NR3C2: variants seen among roughly 807,000 people sequenced by gnomAD.
NR3C2 encodes the protein nuclear receptor subfamily 3 group C member 2, also known as mineralocorticoid receptor.
A neutral mutation model predicts 86.4 loss-of-function variants in NR3C2; 15 were observed. The ratio of observed to expected loss-of-function variants is 0.17; its 90% CI spans 0.12 to 0.27. The LOEUF is 0.27. Ranked by LOEUF, NR3C2 falls within the 10% of genes least tolerant of loss-of-function variation. NR3C2 has a pLI of 1.00. For synonymous variants in NR3C2, 458 were observed against 450.5 expected (o/e 1.02, Z -0.21); for missense variants, 960 against 1,195.6 (o/e 0.80, Z 2.91).
intron 3 of NR3C2, among the ~76,000 whole-genome samples, chr4:148,207,841 C>G (rs888573835): frequency 6.6e-6 from 1 of 151,940 alleles, no homozygotes; most frequent in Non-Finnish European, 1.5e-5. Flanking sequence ...ACACACACAC[C>G]CATAACATTT....
At chr4:148,169,855 G>A (rs1204028174) in intron 4 of NR3C2, among the ~76,000 whole-genome samples, 1 of 152,242 alleles carries the variant, frequency 6.6e-6, no homozygotes, top group Admixed American at 6.5e-5. Flanking sequence ...TGGAGGCTGG[G>A]AGTCTTCATT....
chr4:148,401,175 G>A (rs1748141629), intron 2 of NR3C2, among the ~76,000 whole-genome samples: 1 of 152,154 alleles, frequency 6.6e-6, no homozygotes, highest in Non-Finnish European at 1.5e-5. Flanking sequence ...CCCACCATGT[G>A]AACCAACTAG....
At chr4:148,288,320 T>C (rs58514338) in intron 2 of NR3C2, among the ~76,000 whole-genome samples, 6,021 of 152,338 alleles carry the variant, frequency 0.04, 377 homozygotes, top group African/African-American at 0.13. Flanking sequence ...ATAGATGCTC[T>C]GTAAATGTTA....
intron 2 of NR3C2, among the ~76,000 whole-genome samples, chr4:148,296,044 CA>C (rs529710200): frequency 5.4e-3 from 396 of 73,914 alleles, no homozygotes; most frequent in African/African-American, 0.018. Context: ...GAGCTGAGGC[CA>C]AAAAAAAAAA....
intron 3 of NR3C2, among the ~76,000 whole-genome samples, chr4:148,253,424 G>C (rs1739672049): frequency 6.6e-6 from 1 of 152,172 alleles, no homozygotes; most frequent in Non-Finnish European, 1.5e-5. Flanking sequence ...GTGCAAGTTG[G>C]AAATAGAAGG....
chr4:148,375,142 T>G (rs765856213), intron 2 of NR3C2, among the ~76,000 whole-genome samples: 1 of 152,134 alleles, frequency 6.6e-6, no homozygotes, highest in African/African-American at 2.4e-5. Flanking sequence ...GAAGTTTCCC[T>G]GTACAAAATT....
intron 2 of NR3C2, among the ~76,000 whole-genome samples, chr4:148,312,867 TTTAG>T (rs752161603): frequency 2.0e-5 from 3 of 152,170 alleles, no homozygotes; most frequent in Admixed American, 6.6e-5. Context: ...AGCATATGTC[TTTAG>T]TTAAAGAGCA....
intron 8 of NR3C2, among the ~76,000 whole-genome samples, chr4:148,106,484 G>A (rs1386309483): frequency 6.6e-6 from 1 of 152,098 alleles, no homozygotes; most frequent in African/African-American, 2.4e-5. Flanking sequence ...AGCTACCATT[G>A]ACTGTCTTTG....
intron 2 of NR3C2, among the ~76,000 whole-genome samples, chr4:148,334,059 G>A (rs187425747): frequency 1.8e-4 from 28 of 152,142 alleles, no homozygotes; most frequent in Non-Finnish European, 3.8e-4. Context: ...CAGACAATAA[G>A]GTGGACTTCC....
chr4:148,302,280 T>C (rs753937588), intron 2 of NR3C2, among the ~76,000 whole-genome samples: 1 of 152,196 alleles, frequency 6.6e-6, no homozygotes, highest in African/African-American at 2.4e-5. Flanking sequence ...CCAAATGGAC[T>C]GAACAACAGA....
At chr4:148,407,477 T>A (rs2126554473) in intron 2 of NR3C2, among the ~76,000 whole-genome samples, 1 of 152,364 alleles carries the variant, frequency 6.6e-6, no homozygotes, top group Non-Finnish European at 1.5e-5. Flanking sequence ...TTGATTGGTT[T>A]ACTTTTGTGA....
At chr4:148,318,928 GT>G (rs1488169858) in intron 2 of NR3C2, among the ~76,000 whole-genome samples, 2 of 150,796 alleles carry the variant, frequency 1.3e-5, no homozygotes, top group Non-Finnish European at 3.0e-5. Context: ...TGCTTTTGGT[GT>G]TTTAGACATG....
intron 8 of NR3C2, among the ~76,000 whole-genome samples, chr4:148,082,842 C>T (rs1024243935): frequency 3.3e-5 from 5 of 152,080 alleles, no homozygotes; most frequent in Non-Finnish European, 5.9e-5. Context: ...GCTGCCAGCA[C>T]AGCAGTCTGA....
chr4:148,123,815 C>T (rs548895596), intron 6 of NR3C2, among the ~76,000 whole-genome samples: 34 of 152,374 alleles, frequency 2.2e-4, no homozygotes, highest in African/African-American at 5.0e-4. Flanking sequence ...CATACACACA[C>T]ACTCCAGGTC....
intron 5 of NR3C2, 111 bp from the exon 6 acceptor site, chr4:148,152,724 T>C (rs1361823768): frequency 1.9e-6 from 2 of 1,057,556 alleles, no homozygotes; most frequent in African/African-American, 3.2e-5. Context: ...CTTTTCTCTT[T>C]TCTGACAGAC....
intron 2 of NR3C2, among the ~76,000 whole-genome samples, chr4:148,339,570 A>G (rs896637492): frequency 6.6e-6 from 1 of 152,220 alleles, no homozygotes; most frequent in South Asian, 2.1e-4. Context: ...GATGAGCTGC[A>G]TAATTACAAC....
rs140522728 is a variant in NR3C2, at chr4:148,373,389, T to C, written c.1757+61715A>G. Among the ~76,000 whole-genome samples the C allele has an allele frequency of 7.2e-5, 11 of 152,240 alleles. 1 individual carries two copies. The highest frequency in any genetic ancestry group is 2.6e-4 in the African/African-American group (11 of 41,526). ...CCTGTATCATGCCTTACATTCTTGT[T>C]ATCCAGGTAGGTATATGCTTCTCCC... On this transcript the variant is annotated intron_variant, in intron 2 of 8. Transcript: ENST00000358102.
At chr4:148,231,117 T>C (rs138867736) in intron 3 of NR3C2, among the ~76,000 whole-genome samples, 9 of 152,344 alleles carry the variant, frequency 5.9e-5, no homozygotes, top group African/African-American at 1.9e-4. Context: ...AGATTAATCA[T>C]TTCAAACAGT....
At chr4:148,420,594 C>T (rs980980934) in intron 2 of NR3C2, among the ~76,000 whole-genome samples, 3 of 152,160 alleles carry the variant, frequency 2.0e-5, no homozygotes, top group Admixed American at 1.3e-4. Context: ...AAAGTGAGGA[C>T]TTCCTCATTT....
Sources: gnomAD v4.1 joint callset for allele counts (sites outside exome capture counted in the v4.1 genomes callset) on GRCh38, gnomAD v4.1.1 for gene constraint, MANE v1.5 for transcripts, NCBI Gene and HGNC (gene_info 2026-07-23, HGNC 2026-07-21) for gene names.